YARS1: variants seen among roughly 807,000 people sequenced by gnomAD.
YARS1 encodes the protein tyrosyl-tRNA synthetase 1.
YARS1 carries 36 observed loss-of-function variants against 62.2 expected under a neutral mutation model. The ratio of observed to expected loss-of-function variants is 0.58; its 90% CI spans 0.44 to 0.76. The LOEUF (loss-of-function observed/expected upper bound fraction) is 0.76. Among genes scored for constraint, YARS1 ranks in the 30% least tolerant of loss-of-function variants. The pLI, the probability that YARS1 is intolerant of heterozygous loss-of-function variation, is 0.00. For missense variants in YARS1, 524 were observed against 639.8 expected (o/e 0.82, Z 1.95); for synonymous variants, 234 against 244.9 (o/e 0.96, Z 0.42).
chr1:32,812,986 A>AC (rs1187482645), intron 1 of YARS1, among the ~76,000 whole-genome samples: 1 of 151,700 alleles, frequency 6.6e-6, no homozygotes, highest in African/African-American at 2.4e-5. Context: ...AAAAAAAAAA[A>AC]AACCTTGGCT....
At chr1:32,794,417 T>A (rs114464180) in intron 5 of YARS1, among the ~76,000 whole-genome samples, 3,949 of 152,134 alleles carry the variant, frequency 0.026, 179 homozygotes, top group African/African-American at 0.09. Context: ...TGAGACAAGG[T>A]CTCTCTCTGT....
Position 32,779,235 on chromosome 1 carries a change from A to C in YARS1, c.1476+147T>G. On this transcript the variant is annotated intron_variant, in intron 12 of 12. Transcript: ENST00000373477. ...CATGCTCCTTAGGCACCTTGAATTC[A>C]AAAAGGTCTGGAAAGAAGGAGGGAG... 2.2e-6 allele frequency: 3 copies of C among 1,356,828 alleles called. No individual in the cohort carries two copies. In the South Asian group the frequency reaches 3.6e-5, roughly 16 times the overall value. The allele number at this position is 1,356,828 out of a possible 1,614,324, so 84.0% of individuals were successfully genotyped here.
In YARS1 at chr1:32,786,929, G is replaced by A. The variant is rs372034259; in HGVS notation, c.820+11C>T. On this transcript the variant is annotated intron_variant, in intron 7 of 12. Coordinates refer to ENST00000373477, the MANE Select transcript of YARS1 (RefSeq NM_003680.4). ...TAGCCTGGCCTCTAGGAAGAAAACA[G>A]AGAGTGTTACCGGACTTAAGGGGAA... 9.3e-6 allele frequency: 15 copies of A among 1,613,976 alleles called. No individual in the cohort carries two copies. In the East Asian group the frequency reaches 1.6e-4, roughly 17 times the overall value.
At chr1:32,804,732 G>T (rs989809823) in intron 4 of YARS1, among the ~76,000 whole-genome samples, 1 of 150,202 alleles carries the variant, frequency 6.7e-6, no homozygotes, top group African/African-American at 2.5e-5. Flanking sequence ...GGGAAGATGC[G>T]CTCCTCACTT....
intron 3 of YARS1, among the ~76,000 whole-genome samples, chr1:32,810,120 A>AG (rs1425879958): frequency 4.7e-4 from 71 of 152,138 alleles, no homozygotes; most frequent in Non-Finnish European, 9.1e-4. Context: ...AAAAAAAAAA[A>AG]AGAGTAAGTT....
At chr1:32,789,617 C>T (rs1421057824) in intron 6 of YARS1, among the ~76,000 whole-genome samples, 2 of 149,290 alleles carry the variant, frequency 1.3e-5, no homozygotes, top group African/African-American at 2.5e-5. Flanking sequence ...AAGACGGAGT[C>T]TCACTCTGTG....
At chr1:32,803,198 C>G (rs1291753509) in intron 4 of YARS1, among the ~76,000 whole-genome samples, 1 of 151,534 alleles carries the variant, frequency 6.6e-6, no homozygotes, top group African/African-American at 2.4e-5. Flanking sequence ...CCAGGCTGGT[C>G]TCGAACTCCT....
chr1:32,777,971 T>C (rs1652925758), intron 12 of YARS1, among the ~76,000 whole-genome samples: 1 of 152,142 alleles, frequency 6.6e-6, no homozygotes, highest in Admixed American at 6.5e-5. Context: ...CCATGAAAAT[T>C]TATTTTATAG....
At chr1:32,806,135 CTTA>C (rs1638461440) in intron 4 of YARS1, among the ~76,000 whole-genome samples, 1 of 152,120 alleles carries the variant, frequency 6.6e-6, no homozygotes, top group African/African-American at 2.4e-5. Flanking sequence ...ACACACAATA[CTTA>C]TTAAGTTCGT....
At chr1:32,780,427 C>G (rs1025774447) in intron 10 of YARS1, 149 bp from the exon 11 acceptor site, 61 of 855,914 alleles carry the variant, frequency 7.1e-5, no homozygotes, top group Middle Eastern at 2.5e-4. Flanking sequence ...ACGTCCCAGA[C>G]AGCAGACAGG....
At chr1:32,778,895 C>T (rs1386628958) in intron 12 of YARS1, among the ~76,000 whole-genome samples, 1 of 151,814 alleles carries the variant, frequency 6.6e-6, no homozygotes, top group East Asian at 1.9e-4. Flanking sequence ...CCCACGACCA[C>T]GCCTGGCTAA....
chr1:32,799,800 T>C (rs576671078), intron 4 of YARS1, among the ~76,000 whole-genome samples: 2 of 152,176 alleles, frequency 1.3e-5, no homozygotes, highest in South Asian at 4.2e-4. Context: ...ACCTAGTTTT[T>C]TCTTTCTTTC....
At chr1:32,784,241 C>T (rs1467177472) in intron 8 of YARS1, among the ~76,000 whole-genome samples, 3 of 151,392 alleles carry the variant, frequency 2.0e-5, no homozygotes, top group African/African-American at 7.3e-5. Flanking sequence ...TCTTCAACTC[C>T]TGAGCTCAAG....
rs1269198765 is a variant in YARS1, at chr1:32,775,547, CCA to C, written c.*432_*433del. 5.6e-6 allele frequency: 1 copy of C among 177,172 alleles called. No individual in the cohort carries two copies. Among genetic ancestry groups the C allele is most frequent in the East Asian group, 1.4e-4 (1 of 6,924 alleles). The allele number at this position is 177,172 out of a possible 1,614,324, so 11.0% of individuals were successfully genotyped here. A position where few individuals can be genotyped will look rare whatever the true frequency, so the allele number is the denominator to read the frequency against. On this transcript the variant is annotated 3_prime_UTR_variant, in exon 13 of 13. Coordinates refer to ENST00000373477, the MANE Select transcript of YARS1 (RefSeq NM_003680.4). The stretch of plus-strand genomic sequence containing the variant: ...TTCCCTTCCCTTTCCTTTTCAAATC[CCA>C]CAGTTTCCTGTTGGGGAGAAGCTGT...
In YARS1 at chr1:32,780,739, G is replaced by C. The variant is rs1653025252; in HGVS notation, c.1140+309C>G. The C allele has an allele frequency of 6.5e-6, 3 of 458,482 alleles. No homozygotes were observed. In the Admixed American group the frequency reaches 1.0e-4, roughly 16 times the overall value. 28.4% of individuals were successfully genotyped at this position (458,482 alleles called of 1,614,324 possible). On this transcript the variant is annotated intron_variant, in intron 10 of 12. Transcript: ENST00000373477. ...GGGCAAAGTGGCCCATCCAAGATAA[G>C]GCCTGTAGCTAGTCCAGGCAAGCCG...
chr1:32,792,708 G>A (rs1226312057), intron 5 of YARS1, among the ~76,000 whole-genome samples: 2 of 151,798 alleles, frequency 1.3e-5, no homozygotes, highest in African/African-American at 2.4e-5. Flanking sequence ...GTGAAACCCC[G>A]TCTCTACTAA....
chr1:32,777,102 T>A (rs995240226), intron 12 of YARS1, among the ~76,000 whole-genome samples: 5 of 151,682 alleles, frequency 3.3e-5, no homozygotes, highest in Non-Finnish European at 7.4e-5. Flanking sequence ...TGATCTTGGC[T>A]CACTGCAACC....
At chr1:32,780,034 A>G (rs1226967253) in intron 11 of YARS1, 51 bp downstream of exon 11, 3 of 1,606,420 alleles carry the variant, frequency 1.9e-6, no homozygotes, top group Non-Finnish European at 2.6e-6. Context: ...CTGATTCCCT[A>G]CTCTTCCTGG....
chr1:32,817,199 G>C lies in YARS1; in HGVS notation c.46C>G (p.Arg16Gly). Residue 16 changes from arginine to glycine, a missense_variant, in exon 1 of 13, where the codon CGG (arginine) becomes GGG (glycine). Physicochemically the swap from Arg to Gly is moderately radical, Grantham distance 125. Coordinates refer to ENST00000373477, the MANE Select transcript of YARS1 (RefSeq NM_003680.4). ...CCCCCAGGCCTGACCTGCAGGTTCC[G>C]GGTGATAAGGTGCAGTTTCTCTTCA... ...SPEEKLHLITRNLQEVLGEEK... is the reference protein window; with the variant it reads ...SPEEKLHLITGNLQEVLGEEK... The C allele has an allele frequency of 1.9e-6, 3 of 1,614,184 alleles. No individual in the cohort carries two copies. Among genetic ancestry groups the C allele is most frequent in the Non-Finnish European group, 2.5e-6 (3 of 1,180,010 alleles).
Sources: allele counts gnomAD v4.1 joint callset (sites outside exome capture counted in the v4.1 genomes callset), GRCh38; gene constraint gnomAD v4.1.1; transcripts MANE v1.5; gene names NCBI Gene and HGNC (gene_info 2026-07-23, HGNC 2026-07-21).